RIC1: variants seen among roughly 807,000 people sequenced by gnomAD.
RIC1 encodes the protein RIC1 partner of RAB6A GEF complex, also known as guanine nucleotide exchange factor subunit RIC1.
In RIC1, 88 loss-of-function variants were observed where a neutral mutation model predicts 169.0. That is an observed-to-expected ratio of 0.52 (90% confidence interval 0.44 to 0.62). The LOEUF is 0.62. RIC1 is among the 20% of genes least tolerant of loss of function. RIC1 has a pLI of 0.00. For missense variants in RIC1, 1,877 were observed against 1,725.5 expected (o/e 1.09, Z -1.56); for synonymous variants, 790 against 601.5 (o/e 1.31, Z -4.59).
intron 2 of RIC1, among the ~76,000 whole-genome samples, chr9:5,685,771 C>G (rs1262277898): frequency 6.8e-6 from 1 of 146,172 alleles, no homozygotes; most frequent in Non-Finnish European, 1.5e-5. Context: ...CCAAAATTGA[C>G]AAATGGGATG....
chr9:5,694,300 A>G (rs761845676), intron 3 of RIC1, among the ~76,000 whole-genome samples: 6 of 152,128 alleles, frequency 3.9e-5, no homozygotes, highest in South Asian at 2.1e-4. Flanking sequence ...TTCCCTCAAT[A>G]TATGTTTCTT....
At chr9:5,764,503 G>T (rs1226322007) in intron 19 of RIC1, among the ~76,000 whole-genome samples, 1 of 152,166 alleles carries the variant, frequency 6.6e-6, no homozygotes, top group Admixed American at 6.5e-5. Context: ...TATTTGATAG[G>T]CTACACTTAA....
chr9:5,698,428 G>C (rs950044572), intron 3 of RIC1, among the ~76,000 whole-genome samples: 1 of 152,078 alleles, frequency 6.6e-6, no homozygotes, highest in African/African-American at 2.4e-5. Context: ...GGCCCTTTAA[G>C]GGCCACTCAT....
intron 3 of RIC1, among the ~76,000 whole-genome samples, chr9:5,705,856 T>A (rs1380895282): frequency 2.6e-5 from 4 of 152,208 alleles, no homozygotes; most frequent in African/African-American, 9.6e-5. Context: ...CTTAAAAGAT[T>A]ATTACTATTT....
intron 2 of RIC1, among the ~76,000 whole-genome samples, chr9:5,672,498 C>G (rs111663060): frequency 6.6e-6 from 1 of 151,890 alleles, no homozygotes; most frequent in South Asian, 2.1e-4. Flanking sequence ...ATCTTTTGTT[C>G]CAGAAGATCA....
At chr9:5,769,998 A>G (rs734548) in intron 22 of RIC1, 89 bp from the exon 23 acceptor site, 474,064 of 1,159,260 alleles carry the variant, frequency 0.41, 100,979 homozygotes, top group African/African-American at 0.66. Context: ...GTAGGCAGGT[A>G]GGGGAAGCTA....
chr9:5,745,259 G>C (rs1179518025), intron 10 of RIC1, among the ~76,000 whole-genome samples: 2 of 152,110 alleles, frequency 1.3e-5, no homozygotes, highest in African/African-American at 4.8e-5. Flanking sequence ...AACAATTCAT[G>C]GGCTACCCCT....
At chr9:5,736,488 G>A (rs977997525) in intron 7 of RIC1, among the ~76,000 whole-genome samples, 4 of 152,148 alleles carry the variant, frequency 2.6e-5, no homozygotes, top group African/African-American at 9.7e-5. Context: ...GTAGGCTGCA[G>A]CACAGGATTG....
intron 2 of RIC1, among the ~76,000 whole-genome samples, chr9:5,662,739 A>T (rs1374113843): frequency 2.6e-5 from 4 of 151,988 alleles, no homozygotes; most frequent in African/African-American, 9.7e-5. Context: ...CTTCTTTATT[A>T]ATCTAGCTAG....
At chr9:5,659,251 TTA>T (rs1563876081) in intron 2 of RIC1, among the ~76,000 whole-genome samples, 1 of 152,124 alleles carries the variant, frequency 6.6e-6, no homozygotes, top group South Asian at 2.1e-4. Flanking sequence ...TGTTTCATTG[TTA>T]TATATGTCTG....
intron 18 of RIC1, 109 bp downstream of exon 18, chr9:5,762,769 A>T: frequency 7.4e-7 from 1 of 1,350,790 alleles, no homozygotes; most frequent in East Asian, 2.5e-5. Context: ...GAAAGGAGAA[A>T]TTAAGTCCAT....
At chr9:5,758,562 A>G (rs1034763186) in intron 17 of RIC1, among the ~76,000 whole-genome samples, 1 of 152,150 alleles carries the variant, frequency 6.6e-6, no homozygotes, top group Non-Finnish European at 1.5e-5. Context: ...CCTCTTCCAC[A>G]TGATGACCCG....
intron 2 of RIC1, among the ~76,000 whole-genome samples, chr9:5,679,534 TCTC>T (rs1197442227): frequency 1.1e-4 from 17 of 152,208 alleles, no homozygotes; most frequent in African/African-American, 4.1e-4. Context: ...GCTTTGTAGT[TCTC>T]CTTGAAGAGG....
chr9:5,701,571 G>T (rs1047450135), intron 3 of RIC1, among the ~76,000 whole-genome samples: 8 of 150,850 alleles, frequency 5.3e-5, no homozygotes, highest in African/African-American at 2.0e-4. Context: ...TCCAGCCTGG[G>T]TGACAGAGCA....
At chr9:5,681,437 A>T (rs1429137867) in intron 2 of RIC1, among the ~76,000 whole-genome samples, 1 of 151,674 alleles carries the variant, frequency 6.6e-6, no homozygotes, top group Non-Finnish European at 1.5e-5. Context: ...TTCAGTGTCC[A>T]TGTAGTTGAG....
chr9:5,650,739 C>T (rs1028365870), intron 1 of RIC1, among the ~76,000 whole-genome samples: 6 of 152,098 alleles, frequency 3.9e-5, no homozygotes, highest in Non-Finnish European at 8.8e-5. Context: ...GAAGTGTACG[C>T]TTTGGCTCTT....
Position 5,743,694 on chromosome 9 carries a change from G to C in RIC1, c.1052G>C (p.Arg351Thr). Residue 351 changes from arginine to threonine, a missense_variant, in exon 10 of 26, where the codon AGG (arginine) becomes ACG (threonine). Around this residue, in one of 3 missense-constraint regions of RIC1, gnomAD observed 1,104 missense variants for 992.0 expected, o/e 1.11. Transcript: ENST00000414202. ...TAGTTTCTGTTCTGTTTCAGTTATA[G>C]GTCTGATGGCACCAAAAAAGATCCC... is the stretch of plus-strand genomic sequence containing the variant. Reference protein sequence around the residue: ...ICTLGGDFAYRSDGTKKDPLK... With the variant: ...ICTLGGDFAYTSDGTKKDPLK... The C allele has an allele frequency of 6.2e-7, 1 of 1,606,744 alleles. No homozygotes were observed. The highest frequency in any genetic ancestry group is 1.3e-5 in the African/African-American group (1 of 74,700).
Position 5,762,636 on chromosome 9 carries a change from T to G in RIC1, c.2088T>G (p.Ser696Arg). The G allele has an allele frequency of 6.2e-7, 1 of 1,613,906 alleles. No individual in the cohort carries two copies. The highest frequency in any genetic ancestry group is 8.5e-7 in the Non-Finnish European group (1 of 1,179,882). The change falls in exon 18 of 26, where the codon AGT (serine) becomes AGG (arginine). Residue 696 changes from serine to arginine, a missense_variant. Ser to Arg is a moderately radical substitution (Grantham distance 110). Coordinates refer to ENST00000414202, the MANE Select transcript of RIC1 (RefSeq NM_020829.4). ...RSGPQIREKD[S>R]NPNNQRKLLP... ...GCCCACAGATCCGGGAGAAGGACAG[T>G]AACCCTAATAACCAAAGGAAACTTG...
chr9:5,697,209 G>A (rs1367612383), intron 3 of RIC1, among the ~76,000 whole-genome samples: 1 of 152,162 alleles, frequency 6.6e-6, no homozygotes, highest in Non-Finnish European at 1.5e-5. Context: ...CTGCTTCTCT[G>A]AACTTTAATC....
Sources: allele counts gnomAD v4.1 joint callset (sites outside exome capture counted in the v4.1 genomes callset), GRCh38; gene constraint gnomAD v4.1.1; regional missense constraint gnomAD v4.1.1; transcripts MANE v1.5; gene names NCBI Gene and HGNC (gene_info 2026-07-23, HGNC 2026-07-21).